Variants in ADAM17 observed in about 807,000 individuals in gnomAD.
The protein encoded by ADAM17 is disintegrin and metalloproteinase domain-containing protein 17.
In ADAM17, 39 loss-of-function variants were observed where a neutral mutation model predicts 96.7. The ratio of observed to expected loss-of-function variants is 0.40; its 90% CI spans 0.31 to 0.53. ADAM17 has a LOEUF of 0.53. ADAM17 is among the 20% of genes least tolerant of loss of function. ADAM17 has a pLI of 0.44. For synonymous variants in ADAM17, 344 were observed against 359.2 expected (o/e 0.96, Z 0.48); for missense variants, 777 against 1,013.2 (o/e 0.77, Z 3.17).
intron 2 of ADAM17, 33 bp downstream of exon 2, chr2:9,543,120 C>A: frequency 6.5e-7 from 1 of 1,532,826 alleles, no homozygotes; most frequent in Non-Finnish European, 8.8e-7. Context: ...GCCCCCAGTG[C>A]CCCAACATTA....
intron 17 of ADAM17, among the ~76,000 whole-genome samples, chr2:9,492,182 G>GA (rs990715532): frequency 6.6e-6 from 1 of 152,222 alleles, no homozygotes; most frequent in Admixed American, 6.5e-5. Context: ...AGGCCACTAT[G>GA]AAAGAGTTTG....
chr2:9,517,330 A>G (rs1345335748), intron 10 of ADAM17, among the ~76,000 whole-genome samples: 4 of 152,246 alleles, frequency 2.6e-5, no homozygotes, highest in Non-Finnish European at 5.9e-5. Context: ...TAAGAACTCA[A>G]AATGACTTCA....
At chr2:9,542,442 A>C (rs1665244552) in intron 2 of ADAM17, among the ~76,000 whole-genome samples, 1 of 152,198 alleles carries the variant, frequency 6.6e-6, no homozygotes, top group South Asian at 2.1e-4. Flanking sequence ...CTAAATAAAT[A>C]AATAGAACAG....
chr2:9,506,068 C>T (rs1012816261), intron 11 of ADAM17, among the ~76,000 whole-genome samples: 29 of 152,052 alleles, frequency 1.9e-4, no homozygotes, highest in African/African-American at 5.8e-4. Context: ...TCTAAAACTG[C>T]GGTCATTTTC....
At position 9,489,684 on chromosome 2, in the gene ADAM17, C is replaced by A. The variant is rs1194818980; in HGVS notation, c.*493G>T. On this transcript the variant is annotated 3_prime_UTR_variant, in exon 19 of 19. Transcript: ENST00000310823. The stretch of plus-strand genomic sequence containing the variant: ...TAGAAATAGACCCACAATTTAGAGA[C>A]AATGTATACTAGATTTATCTCCTTT... The A allele has an allele frequency of 8.7e-6, 1 of 114,994 alleles. No homozygotes were observed. Among genetic ancestry groups the A allele is most frequent in the Non-Finnish European group, 1.7e-5 (1 of 59,922 alleles). 7.1% of individuals were successfully genotyped at this position (114,994 alleles called of 1,614,324 possible).
chr2:9,494,120 A>G (rs1324055839), intron 15 of ADAM17, among the ~76,000 whole-genome samples: 1 of 152,186 alleles, frequency 6.6e-6, no homozygotes, highest in African/African-American at 2.4e-5. Flanking sequence ...CTACACATAC[A>G]CAGTGGACAG....
intron 4 of ADAM17, among the ~76,000 whole-genome samples, chr2:9,529,062 A>G (rs1664636098): frequency 6.6e-6 from 1 of 152,264 alleles, no homozygotes; most frequent in African/African-American, 2.4e-5. Flanking sequence ...CAGTTTATCC[A>G]TACAATGGAA....
intron 8 of ADAM17, among the ~76,000 whole-genome samples, chr2:9,518,688 A>G (rs1264342950): frequency 6.6e-6 from 1 of 152,140 alleles, no homozygotes; most frequent in Non-Finnish European, 1.5e-5. Flanking sequence ...GAGCTTCATA[A>G]TATATTGTCA....
Position 9,490,338 on chromosome 2 carries a change from T to C in ADAM17, c.2314A>G (p.Met772Val). The change falls in exon 19 of 19, where the codon ATG becomes GTG. Residue 772 changes from methionine to valine, a missense_variant. Physicochemically the swap from Met to Val is conservative, Grantham distance 21. Around this residue, in one of 3 missense-constraint regions of ADAM17, gnomAD observed 197 missense variants for 219.4 expected, o/e 0.90. Transcript: ENST00000310823. ...IQEDPSTDSHMDEDGFEKDPF... is the reference protein window; with the variant it reads ...IQEDPSTDSHVDEDGFEKDPF... Reference sequence around the variant, plus strand: ...TCCTTCTCAAACCCATCCTCGTCCATATGTGAGTCTGTGCTGGGGTCTTCC... The same window carrying C: ...TCCTTCTCAAACCCATCCTCGTCCACATGTGAGTCTGTGCTGGGGTCTTCC... 1 of 1,614,116 alleles carries C rather than the reference T, an allele frequency of 6.2e-7. No homozygotes were observed. The highest frequency in any genetic ancestry group is 8.5e-7 in the Non-Finnish European group (1 of 1,180,022).
At chr2:9,505,695 G>T (rs1002745033) in intron 11 of ADAM17, 15 of 287,952 alleles carry the variant, frequency 5.2e-5, no homozygotes, top group Non-Finnish European at 1.0e-4. Flanking sequence ...CAGAGAGCTC[G>T]TAGCTCCATC....
intron 11 of ADAM17, among the ~76,000 whole-genome samples, chr2:9,508,660 G>C (rs1352489800): frequency 6.6e-6 from 1 of 152,156 alleles, no homozygotes; most frequent in Non-Finnish European, 1.5e-5. Context: ...CAGTTCCTCA[G>C]TTTCTAGCCA....
intron 6 of ADAM17, among the ~76,000 whole-genome samples, chr2:9,525,228 G>A (rs1664470974): frequency 6.6e-6 from 1 of 151,214 alleles, no homozygotes; most frequent in Non-Finnish European, 1.5e-5. Flanking sequence ...GAACCCAGGA[G>A]GTGGGGGTTG....
Position 9,555,545 on chromosome 2 carries a change from G to C in ADAM17, c.61C>G (p.Pro21Ala), listed in dbSNP as rs1377491129. 2 of 1,604,058 alleles carry C rather than the reference G, an allele frequency of 1.2e-6. No individual in the cohort carries two copies. The highest frequency in any genetic ancestry group is 1.7e-6 in the Non-Finnish European group (2 of 1,175,290). ...VVPFVLAPRPPDDPGFGPHQR... is the reference protein window; with the variant it reads ...VVPFVLAPRPADDPGFGPHQR... The stretch of plus-strand genomic sequence containing the variant: ...TGGGGGCCGAAGCCCGGGTCATCCG[G>C]AGGTCGCGGCGCCAGCACGAAAGGA... The change falls in exon 1 of 19, where the codon CCG (proline) becomes GCG (alanine). Residue 21 changes from proline (P) to alanine (A), a missense_variant. Transcript: ENST00000310823.
intron 6 of ADAM17, 61 bp downstream of exon 6, chr2:9,526,050 T>G: frequency 1.2e-5 from 17 of 1,455,772 alleles, no homozygotes; most frequent in Non-Finnish European, 1.6e-5. Context: ...GCATTAAGTT[T>G]CATGGAATGT....
chr2:9,534,877 T>C (rs981079658), intron 4 of ADAM17, among the ~76,000 whole-genome samples: 10 of 152,252 alleles, frequency 6.6e-5, no homozygotes, highest in African/African-American at 1.7e-4. Context: ...GACATTCCAG[T>C]GATGCTTTGC....
intron 2 of ADAM17, among the ~76,000 whole-genome samples, chr2:9,538,379 A>G (rs1665075299): frequency 6.6e-6 from 1 of 152,222 alleles, no homozygotes; most frequent in South Asian, 2.1e-4. Flanking sequence ...CTTTTTGAGC[A>G]TAACAAGGTA....
chr2:9,526,371 GAAC>G (rs1360803297), intron 5 of ADAM17, 127 bp from the exon 6 acceptor site: 1 of 930,782 alleles, frequency 1.1e-6, no homozygotes, highest in African/African-American at 1.7e-5. Context: ...AAAGGATTCT[GAAC>G]AACAACAAAA....
rs1665646344 is a variant in ADAM17, at chr2:9,553,497, A to C, written c.97+2012T>G. ...GAGACCAGCCTGAATAACATGGAGA[A>C]ACCCCATCTCTACTAAAAATACAAA... On this transcript the variant is annotated intron_variant, in intron 1 of 18. Coordinates refer to ENST00000310823, the MANE Select transcript of ADAM17 (RefSeq NM_003183.6). Among the ~76,000 whole-genome samples, 3 of 151,952 alleles carry C rather than the reference A, an allele frequency of 2.0e-5. No individual in the cohort carries two copies. In the South Asian group the frequency reaches 6.2e-4, roughly 32 times the overall value.
chr2:9,541,773 C>T (rs1665214416), intron 2 of ADAM17, among the ~76,000 whole-genome samples: 2 of 152,072 alleles, frequency 1.3e-5, no homozygotes, highest in African/African-American at 4.8e-5. Context: ...GATGCAGTGG[C>T]CCCTGTCTGT....
Sources: allele counts gnomAD v4.1 joint callset (sites outside exome capture counted in the v4.1 genomes callset), GRCh38; gene constraint gnomAD v4.1.1; regional missense constraint gnomAD v4.1.1; transcripts MANE v1.5; gene names NCBI Gene and HGNC (gene_info 2026-07-23, HGNC 2026-07-21).